Variants in TLE2 observed in about 807,000 individuals in gnomAD.
TLE2 encodes the protein transducin-like enhancer protein 2.
In TLE2, 74 loss-of-function variants were observed where a neutral mutation model predicts 97.2. The observed-to-expected ratio is 0.76, with a 90% confidence interval of 0.63 to 0.92. TLE2 has a LOEUF of 0.92. Among genes scored for constraint, TLE2 ranks in the 40% least tolerant of loss-of-function variants. The pLI, the probability that TLE2 is intolerant of heterozygous loss-of-function variation, is 0.00. For missense variants in TLE2, 1,038 were observed against 1,008.7 expected (o/e 1.03, Z -0.39); for synonymous variants, 499 against 432.1 (o/e 1.15, Z -1.92).
chr19:3,009,467 G>A (rs2089543834), intron 13 of TLE2, 75 bp downstream of exon 13: 2 of 1,472,718 alleles, frequency 1.4e-6, no homozygotes, highest in Non-Finnish European at 1.8e-6. Context: ...CTCTCCTTGT[G>A]TAGTTGGTTT....
At chr19:2,998,574 G>T (rs923646202) in intron 19 of TLE2, among the ~76,000 whole-genome samples, 1 of 151,952 alleles carries the variant, frequency 6.6e-6, no homozygotes, top group South Asian at 2.1e-4. Context: ...CACCGCACCC[G>T]GCCTAATTTT....
intron 8 of TLE2, among the ~76,000 whole-genome samples, chr19:3,017,419 C>T (rs185832694): frequency 1.8e-4 from 27 of 150,478 alleles, no homozygotes; most frequent in East Asian, 7.8e-4. Context: ...ATTACAGGCA[C>T]GCACCTGGCC....
At chr19:3,047,513 C>CCG (rs1171400262), upstream of TLE2, 1 of 151,070 alleles carries the variant, frequency 6.6e-6, no homozygotes, top group Non-Finnish European at 1.5e-5. Flanking sequence ...TTGTGACCCC[C>CCG]CCCCAGGCAT....
intron 1 of TLE2, among the ~76,000 whole-genome samples, chr19:3,043,364 C>CTTTTTTTTTT (rs71337196): frequency 9.2e-6 from 1 of 108,900 alleles, no homozygotes; most frequent in African/African-American, 4.0e-5. Context: ...CCTTCTGCAG[C>CTTTTTTTTTT]TTTTTTTTTT....
At chr19:3,043,879 G>A (rs2090123314) in intron 1 of TLE2, among the ~76,000 whole-genome samples, 1 of 152,074 alleles carries the variant, frequency 6.6e-6, no homozygotes, top group South Asian at 2.1e-4. Flanking sequence ...AGTTACTCGG[G>A]AGGCTGAGGC....
rs980360136 is a variant in TLE2, at chr19:3,019,915, A to G, written c.295-142T>C. The G allele has an allele frequency of 2.7e-6, 3 of 1,130,506 alleles. No individual in the cohort carries two copies. The highest frequency in any genetic ancestry group is 5.4e-5 in the East Asian group (2 of 37,282). 70.0% of individuals were successfully genotyped at this position (1,130,506 alleles called of 1,614,324 possible). On this transcript the variant is annotated intron_variant, in intron 5 of 19. Transcript: ENST00000262953. This position sits in a 1 kb window ranked among gnomAD's most constrained non-coding sequence, Gnocchi z 5.1. ...TTTCTCTTTTATCTTTTTCCCTCTC[A>G]CTCTCTCCCTTTCCTTTTGGAATTT...
chr19:3,040,734 G>T (rs1006884546), intron 1 of TLE2, among the ~76,000 whole-genome samples: 1 of 151,578 alleles, frequency 6.6e-6, no homozygotes, highest in Non-Finnish European at 1.5e-5. Flanking sequence ...TGCAAGCCTC[G>T]AGCAAAATCC....
At chr19:3,046,689 G>C (rs1356841646), upstream of TLE2, among the ~76,000 whole-genome samples, 1 of 152,010 alleles carries the variant, frequency 6.6e-6, no homozygotes, top group South Asian at 2.1e-4. Context: ...GCGGGCAGGG[G>C]ATCTCCTCAC....
Position 2,997,969 on chromosome 19 carries a change from G to C in TLE2, c.2125-14C>G. On this transcript the variant is annotated splice_polypyrimidine_tract_variant and intron_variant, in intron 19 of 19. Transcript: ENST00000262953. The stretch of plus-strand genomic sequence containing the variant: ...CGACTCCTTGGACTGCCAAGGGAAG[G>C]GAGAGAGAAAAGGGCACAGTGAGGC... 1 of 1,596,314 alleles carries C rather than the reference G, an allele frequency of 6.3e-7. No homozygotes were observed. Among genetic ancestry groups the C allele is most frequent in the Non-Finnish European group, 8.6e-7 (1 of 1,167,636 alleles).
chr19:2,999,229 C>G (rs982451786), intron 19 of TLE2, among the ~76,000 whole-genome samples: 1 of 151,944 alleles, frequency 6.6e-6, no homozygotes, highest in Non-Finnish European at 1.5e-5. Context: ...CTGCAGTGAG[C>G]TGAGATTGCG....
chr19:3,009,429 G>A, intron 13 of TLE2, 113 bp downstream of exon 13: 4 of 1,293,688 alleles, frequency 3.1e-6, no homozygotes, highest in East Asian at 5.4e-5. Flanking sequence ...CTGAGCCAGG[G>A]CTCCCTTCCC....
In TLE2 at chr19:3,013,739, A is replaced by G; in HGVS notation, c.803T>C (p.Leu268Pro). The change falls in exon 11 of 20, where the codon CTG (leucine) becomes CCG (proline). Residue 268 changes from leucine (L) to proline (P), a missense_variant. Physicochemically the swap from Leu to Pro is moderately conservative, Grantham distance 98. Transcript: ENST00000262953. Reference sequence around the variant, plus strand: ...GGCCAAGGAGGCTGGACTGTCCACCAGGTCCCGACGGGCAGGAATGCAGAT... The same window carrying G: ...GGCCAAGGAGGCTGGACTGTCCACCGGGTCCCGACGGGCAGGAATGCAGAT... ...VPICIPARRD[L>P]VDSPASLASS... 2 of 1,562,046 alleles carry G rather than the reference A, an allele frequency of 1.3e-6. No homozygotes were observed. The highest frequency in any genetic ancestry group is 1.2e-5 in the South Asian group (1 of 83,176).
chr19:3,037,317 AG>A, intron 1 of TLE2, among the ~76,000 whole-genome samples: 1 of 152,268 alleles, frequency 6.6e-6, no homozygotes, highest in Middle Eastern at 3.4e-3. Context: ...CAAAACAAAA[AG>A]ATGTTGGGTT....
At chr19:3,008,205 T>C (rs377218792) in intron 14 of TLE2, among the ~76,000 whole-genome samples, 1 of 152,120 alleles carries the variant, frequency 6.6e-6, no homozygotes, top group African/African-American at 2.4e-5. Context: ...CTAGAACACT[T>C]CCATCACTGC....
chr19:3,005,017 C>G (rs1204516008), intron 17 of TLE2, among the ~76,000 whole-genome samples: 1 of 152,050 alleles, frequency 6.6e-6, no homozygotes, highest in African/African-American at 2.4e-5. Flanking sequence ...CCCAGCTCCT[C>G]CTACATCAAC....
chr19:3,026,216 G>T (rs2089940500), intron 4 of TLE2, among the ~76,000 whole-genome samples: 1 of 152,110 alleles, frequency 6.6e-6, no homozygotes, highest in Non-Finnish European at 1.5e-5. Context: ...GGAGGCCGAG[G>T]CAGGTGGATC....
chr19:3,041,804 C>G (rs973658475), intron 1 of TLE2, among the ~76,000 whole-genome samples: 4 of 152,214 alleles, frequency 2.6e-5, no homozygotes, highest in African/African-American at 9.6e-5. Context: ...TTTTCTTCCC[C>G]ACCAATCCAG....
rs1205053131 is a variant in TLE2 at position 3,029,109 on chromosome 19, T to A, written c.-205A>T. 2.6e-6 allele frequency: 3 copies of A among 1,170,656 alleles called. No homozygotes were observed. The highest frequency in any genetic ancestry group is 3.2e-6 in the Non-Finnish European group (3 of 950,142). 72.5% of individuals were successfully genotyped at this position (1,170,656 alleles called of 1,614,324 possible). On this transcript the variant is annotated 5_prime_UTR_variant, in exon 1 of 20. Coordinates refer to ENST00000262953, the MANE Select transcript of TLE2 (RefSeq NM_003260.5). ...GGGTCGTGGGAGCCCCTCCCCGGGT[T>A]GGGGTGCGCGGGGCGAGCGGGGCGG...
chr19:3,029,040 A>G lies in TLE2; in HGVS notation c.-136T>C. ...GAGGAGGGAGAAGCGGCGCGGGGCA[A>G]GGGACCCTGGAGTCCCTGGCGCGCC... On this transcript the variant is annotated 5_prime_UTR_variant, in exon 1 of 20. Transcript: ENST00000262953. The G allele has an allele frequency of 1.4e-6, 2 of 1,469,378 alleles. No individual in the cohort carries two copies. Among genetic ancestry groups the G allele is most frequent in the Non-Finnish European group, 1.8e-6 (2 of 1,111,534 alleles). The allele number at this position is 1,469,378 out of a possible 1,614,324, so 91.0% of individuals were successfully genotyped here.
Sources: gnomAD v4.1 joint callset for allele counts (sites outside exome capture counted in the v4.1 genomes callset) on GRCh38, gnomAD v4.1.1 for gene constraint, Gnocchi (gnomAD v3.1) non-coding constraint, MANE v1.5 for transcripts, NCBI Gene and HGNC (gene_info 2026-07-23, HGNC 2026-07-21) for gene names.